Variants in JHY observed in about 807,000 individuals in gnomAD.
The protein encoded by JHY is jhy protein homolog.
In JHY, 69 loss-of-function variants were observed where a neutral mutation model predicts 78.0. That is an observed-to-expected ratio of 0.88 (90% CI 0.73 to 1.08). JHY has a LOEUF of 1.08. Ranked by LOEUF, JHY falls within the 50% of genes least tolerant of loss-of-function variation. The probability of loss-of-function intolerance (pLI) is 0.00; values close to 1 mark genes in which losing one functional copy is unlikely to be tolerated. For missense variants in JHY, 944 were observed against 927.8 expected (o/e 1.02, Z -0.23); for synonymous variants, 368 against 342.6 (o/e 1.07, Z -0.82).
intron 3 of JHY, among the ~76,000 whole-genome samples, chr11:122,922,073 C>T (rs932088774): frequency 1.3e-5 from 2 of 152,128 alleles, no homozygotes; most frequent in Admixed American, 6.5e-5. Flanking sequence ...GTGAAGTTTT[C>T]CATTTGCCAT....
Position 122,956,516 on chromosome 11 carries a change from T to C in JHY, c.1950T>C (p.Tyr650=), listed in dbSNP as rs1464094832. The C allele has an allele frequency of 1.9e-6, 3 of 1,613,586 alleles. No homozygotes were observed. The East Asian group carries it at 6.7e-5, about 36-fold the overall frequency. The change falls in exon 7 of 9, where the codon TAT becomes TAC. Residue 650 remains tyrosine (Y), a synonymous_variant. Transcript: ENST00000227349. ...SSSKNTKLKG[Y]QKRDVKLGGL... is the part of the protein sequence containing the mutation. ...TTTAGAACACCAAGCTGAAAGGTTA[T>C]CAGAAAAGAGACGTGAAGCTTGGAG...
intron 3 of JHY, among the ~76,000 whole-genome samples, chr11:122,914,998 C>T (rs1863205780): frequency 6.6e-6 from 1 of 151,880 alleles, no homozygotes; most frequent in Non-Finnish European, 1.5e-5. Context: ...TTTGTATGAT[C>T]TATAGAGTGA....
chr11:122,958,868 G>T, intron 8 of JHY: 1 of 985,320 alleles, frequency 1.0e-6, no homozygotes, highest in African/African-American at 1.7e-5. Flanking sequence ...GCTGTAACAA[G>T]TCTTCTTTGG....
chr11:122,938,513 A>G (rs7123335), intron 5 of JHY, among the ~76,000 whole-genome samples: 3,921 of 152,238 alleles, frequency 0.026, 95 homozygotes, highest in South Asian at 0.11. Flanking sequence ...TTAGATTTTC[A>G]ACAAGGCAAA....
chr11:122,960,575 TG>T lies in JHY; in HGVS notation c.*1133del. The T allele has an allele frequency of 4.0e-6, 1 of 249,072 alleles. No individual in the cohort carries two copies. Among genetic ancestry groups the T allele is most frequent in the South Asian group, 6.0e-5 (1 of 16,728 alleles). 15.4% of individuals were successfully genotyped at this position (249,072 alleles called of 1,614,324 possible). A position where few individuals can be genotyped will look rare whatever the true frequency, so the allele number is the denominator to read the frequency against. ...TAACAGGACCCTATGTGCTCCAAAC[TG>T]GGCTTATCTTGTATGCTTTATCCAA... On this transcript the variant is annotated 3_prime_UTR_variant, in exon 9 of 9. Coordinates refer to ENST00000227349, the MANE Select transcript of JHY (RefSeq NM_024806.4).
chr11:122,952,284 T>C (rs912943596), intron 6 of JHY, among the ~76,000 whole-genome samples: 1 of 152,186 alleles, frequency 6.6e-6, no homozygotes, highest in African/African-American at 2.4e-5. Context: ...CAACTTCAAG[T>C]GGGTAAATTT....
intron 2 of JHY, among the ~76,000 whole-genome samples, chr11:122,889,416 CAG>C (rs1356381496): frequency 5.3e-5 from 8 of 152,130 alleles, no homozygotes; most frequent in Admixed American, 3.9e-4. Flanking sequence ...TAAACATGCA[CAG>C]AGACTTTTTT....
chr11:122,954,385 TG>T (rs1418673387), intron 6 of JHY, among the ~76,000 whole-genome samples: 1 of 152,194 alleles, frequency 6.6e-6, no homozygotes, highest in Non-Finnish European at 1.5e-5. Flanking sequence ...CAGTGGGAAG[TG>T]GCAGTGGAGA....
chr11:122,946,762 A>G lies in JHY; in HGVS notation c.1899A>G (p.Gly633=), dbSNP rs1462499475. ...GCTATCTGTTTCAACTGGAAAAGGG[A>G]AAAAAGCATAAGAAAAGAAGCAGCA... ...SEGYLFQLEK[G]KKHKKRSSSK... The change falls in exon 6 of 9, where the codon GGA becomes GGG. Residue 633 remains glycine, a synonymous_variant. Transcript: ENST00000227349. 1 of 1,612,572 alleles carries G rather than the reference A, an allele frequency of 6.2e-7. No individual in the cohort carries two copies. The highest frequency in any genetic ancestry group is 8.5e-7 in the Non-Finnish European group (1 of 1,179,626).
chr11:122,912,898 G>A lies in JHY; in HGVS notation c.864+8454G>A, dbSNP rs180959431. Among the ~76,000 whole-genome samples the A allele has an allele frequency of 5.9e-5, 9 of 151,962 alleles. No homozygotes were observed. The East Asian group carries it at 7.7e-4, about 13-fold the overall frequency. ...ATTTGAAGAATTTATACCAAGCTACGGACTCGGGGCAGACACTCAGTGAAG... is the reference window on the plus strand; with the variant it reads ...ATTTGAAGAATTTATACCAAGCTACAGACTCGGGGCAGACACTCAGTGAAG... On this transcript the variant is annotated intron_variant, in intron 3 of 8. Transcript: ENST00000227349.
At chr11:122,949,093 A>AG (rs1165032637) in intron 6 of JHY, among the ~76,000 whole-genome samples, 1 of 151,586 alleles carries the variant, frequency 6.6e-6, no homozygotes, top group Non-Finnish European at 1.5e-5. Context: ...CAAAAAAAAA[A>AG]AGAAGACTGC....
chr11:122,946,935 T>TAAGAA, intron 6 of JHY, 143 bp downstream of exon 6: 1 of 912,250 alleles, frequency 1.1e-6, no homozygotes, highest in Non-Finnish European at 1.6e-6. Flanking sequence ...AGGAGTTTCT[T>TAAGAA]ACTCCTGCCC....
intron 4 of JHY, 107 bp downstream of exon 4, chr11:122,925,117 G>C (rs1863468330): frequency 1.1e-6 from 1 of 880,520 alleles, no homozygotes; most frequent in East Asian, 2.8e-5. Context: ...TTATGCCTGA[G>C]AATAATTACC....
At chr11:122,952,650 T>C (rs1420407872) in intron 6 of JHY, among the ~76,000 whole-genome samples, 2 of 152,226 alleles carry the variant, frequency 1.3e-5, no homozygotes, top group African/African-American at 4.8e-5. Flanking sequence ...GAACTGTGGC[T>C]GGAGAGTACT....
chr11:122,932,297 C>T (rs1863652582), intron 4 of JHY, among the ~76,000 whole-genome samples: 1 of 152,086 alleles, frequency 6.6e-6, no homozygotes, highest in Non-Finnish European at 1.5e-5. Context: ...CATCTCTGGG[C>T]ACTTATATGT....
chr11:122,891,677 T>C (rs2135285552), intron 2 of JHY, among the ~76,000 whole-genome samples: 1 of 152,298 alleles, frequency 6.6e-6, no homozygotes, highest in Non-Finnish European at 1.5e-5. Flanking sequence ...TAAAACTCTT[T>C]GCTTTATATA....
intron 5 of JHY, among the ~76,000 whole-genome samples, chr11:122,936,988 G>T (rs1206587026): frequency 6.6e-6 from 1 of 152,120 alleles, no homozygotes; most frequent in Non-Finnish European, 1.5e-5. Context: ...TGGGCCATTG[G>T]TGGGTTTTGT....
Position 122,946,494 on chromosome 11 carries a change from T to G in JHY, c.1635-4T>G. 6.4e-7 allele frequency: 1 copy of G among 1,560,300 alleles called. No individual in the cohort carries two copies. Among genetic ancestry groups the G allele is most frequent in the Non-Finnish European group, 8.6e-7 (1 of 1,157,924 alleles). On this transcript the variant is annotated splice_polypyrimidine_tract_variant and splice_region_variant and intron_variant, in intron 5 of 8. Transcript: ENST00000227349. ...AGATTTGTGCCTTTTTTTTTTTCAT[T>G]AAGGAAATTCCATTCTTCTTCTGAC...
At chr11:122,884,414 G>A (rs1435769864) in intron 1 of JHY, among the ~76,000 whole-genome samples, 3 of 151,874 alleles carry the variant, frequency 2.0e-5, no homozygotes, top group African/African-American at 7.3e-5. Flanking sequence ...ATTTCTAATG[G>A]TAAAGGTTTC....
Sources: allele counts gnomAD v4.1 joint callset (sites outside exome capture counted in the v4.1 genomes callset), GRCh38; gene constraint gnomAD v4.1.1; transcripts MANE v1.5; gene names NCBI Gene and HGNC (gene_info 2026-07-23, HGNC 2026-07-21).